Variants in RALYL observed in about 807,000 individuals in gnomAD.
RALYL encodes RNA-binding Raly-like protein.
A neutral mutation model predicts 35.1 loss-of-function variants in RALYL; 29 were observed. The ratio of observed to expected loss-of-function variants is 0.83; its 90% CI spans 0.61 to 1.13. RALYL has a LOEUF of 1.13. Among genes scored for constraint, RALYL ranks in the 50% most tolerant of loss-of-function variants. The probability of loss-of-function intolerance (pLI) is 0.00; values close to 1 mark genes in which losing one functional copy is unlikely to be tolerated. For synonymous variants in RALYL, 120 were observed against 127.6 expected, an observed-to-expected ratio of 0.94 and a Z score of 0.40; for missense variants, 359 against 360.4, an observed-to-expected ratio of 1.00 and a Z score of 0.03.
intron 2 of RALYL, among the ~76,000 whole-genome samples, chr8:84,688,834 G>A (rs1589021749): frequency 1.3e-5 from 2 of 151,940 alleles, no homozygotes; most frequent in Admixed American, 1.3e-4. Flanking sequence ...ATCTCAAAAT[G>A]GGTTAATATC....
At chr8:84,900,736 A>C (rs1209747747) in intron 8 of RALYL, among the ~76,000 whole-genome samples, 1 of 152,176 alleles carries the variant, frequency 6.6e-6, no homozygotes, top group Non-Finnish European at 1.5e-5. Context: ...TTTTAATTGC[A>C]TAAGCAGTAA....
At chr8:84,303,503 A>G (rs1841210493) in intron 1 of RALYL, among the ~76,000 whole-genome samples, 1 of 152,152 alleles carries the variant, frequency 6.6e-6, no homozygotes, top group South Asian at 2.1e-4. Context: ...GGTACTATTG[A>G]CTTATACTTG....
At chr8:84,724,491 C>A (rs948030870) in intron 2 of RALYL, among the ~76,000 whole-genome samples, 1 of 151,698 alleles carries the variant, frequency 6.6e-6, no homozygotes, top group African/African-American at 2.4e-5. Context: ...CCTAGTATTC[C>A]AATTTCTGGC....
intron 2 of RALYL, among the ~76,000 whole-genome samples, chr8:84,687,812 T>C (rs749447386): frequency 4.6e-5 from 7 of 152,088 alleles, no homozygotes; most frequent in Admixed American, 2.0e-4. Context: ...AGTTGTGTCA[T>C]TGAAATTGCT....
intron 2 of RALYL, among the ~76,000 whole-genome samples, chr8:84,570,451 A>G (rs528415434): frequency 2.4e-4 from 36 of 151,900 alleles, no homozygotes; most frequent in Middle Eastern, 3.4e-3. Context: ...AATTTTACTG[A>G]TATCATTTAT....
chr8:84,399,140 C>A (rs186753578), intron 1 of RALYL, among the ~76,000 whole-genome samples: 111 of 152,208 alleles, frequency 7.3e-4, no homozygotes, highest in African/African-American at 2.6e-3. Flanking sequence ...ATTTCATTCC[C>A]GTTTCCTGCT....
At chr8:84,398,688 A>G (rs2042583165) in intron 1 of RALYL, among the ~76,000 whole-genome samples, 1 of 152,144 alleles carries the variant, frequency 6.6e-6, no homozygotes, top group Non-Finnish European at 1.5e-5. Context: ...TTAAAAACCA[A>G]TCCAGGCCAG....
intron 2 of RALYL, among the ~76,000 whole-genome samples, chr8:84,639,233 A>G (rs1825811916): frequency 6.6e-6 from 1 of 151,806 alleles, no homozygotes; most frequent in Non-Finnish European, 1.5e-5. Flanking sequence ...ATTGACTGCT[A>G]GAGAAAAAGA....
chr8:84,201,435 A>G (rs895077056), intron 1 of RALYL, among the ~76,000 whole-genome samples: 1 of 152,178 alleles, frequency 6.6e-6, no homozygotes, highest in African/African-American at 2.4e-5. Context: ...TGTAAGGGTA[A>G]TATAACCTTG....
At chr8:84,581,422 G>A (rs556760361) in intron 2 of RALYL, among the ~76,000 whole-genome samples, 1 of 152,220 alleles carries the variant, frequency 6.6e-6, no homozygotes, top group South Asian at 2.1e-4. Flanking sequence ...ATTCATCAGA[G>A]ATTTCATGTC....
At chr8:84,481,203 C>A (rs1237675948) in intron 1 of RALYL, among the ~76,000 whole-genome samples, 2 of 152,126 alleles carry the variant, frequency 1.3e-5, no homozygotes, top group Non-Finnish European at 2.9e-5. Context: ...TTCTAAATTT[C>A]ATTGTTCCAT....
chr8:84,599,847 A>G (rs1815483668), intron 2 of RALYL, among the ~76,000 whole-genome samples: 1 of 151,722 alleles, frequency 6.6e-6, no homozygotes, highest in Admixed American at 6.6e-5. Context: ...AGTTGTTCCA[A>G]AAAGAATATT....
chr8:84,872,840 A>G (rs2135237005), intron 6 of RALYL: 1 of 152,838 alleles, frequency 6.5e-6, no homozygotes, highest in South Asian at 2.1e-4. Flanking sequence ...CCTGGTTTCC[A>G]TCAATCTTCA....
intron 1 of RALYL, among the ~76,000 whole-genome samples, chr8:84,458,068 G>T (rs1239266566): frequency 1.3e-5 from 2 of 151,752 alleles, no homozygotes; most frequent in Non-Finnish European, 2.9e-5. Context: ...ATTGGCATCT[G>T]ATCAAAATTA....
chr8:84,854,545 C>T (rs1270141961), intron 5 of RALYL, among the ~76,000 whole-genome samples: 3 of 152,110 alleles, frequency 2.0e-5, no homozygotes, highest in South Asian at 2.1e-4. Flanking sequence ...CAAAGCATTC[C>T]GGCTGCAGCT....
At chr8:84,230,119 A>C (rs1301104731) in intron 1 of RALYL, among the ~76,000 whole-genome samples, 1 of 152,172 alleles carries the variant, frequency 6.6e-6, no homozygotes, top group Non-Finnish European at 1.5e-5. Context: ...TATAGGGTTA[A>C]TTGTTGAAAA....
Position 84,468,964 on chromosome 8 carries a change from G to A in RALYL, c.-23-60335G>A, listed in dbSNP as rs910106094. Among the ~76,000 whole-genome samples the A allele has an allele frequency of 3.8e-4, 58 of 150,740 alleles. 1 individual carries two copies. The highest frequency in any genetic ancestry group is 1.2e-3 in the African/African-American group (51 of 41,010). On this transcript the variant is annotated intron_variant, in intron 1 of 8. Transcript: ENST00000521268. ...CTCCTGAGGCTTCTGCATTCTTCAC[G>A]TAGTTCTCGAGCCTTGGTTTTCAGC...
chr8:84,667,216 T>C (rs1832261054), intron 2 of RALYL, among the ~76,000 whole-genome samples: 1 of 152,006 alleles, frequency 6.6e-6, no homozygotes, highest in Admixed American at 6.6e-5. Context: ...TCCTGTAAAC[T>C]GTTAGCTAAA....
intron 1 of RALYL, among the ~76,000 whole-genome samples, chr8:84,188,859 ACTTAC>A (rs1034954776): frequency 4.4e-4 from 67 of 152,268 alleles, no homozygotes; most frequent in African/African-American, 1.6e-3. Flanking sequence ...TAAATATCAA[ACTTAC>A]CTTGTGGAAA....
Sources: gnomAD v4.1 joint callset for allele counts (sites outside exome capture counted in the v4.1 genomes callset) on GRCh38, gnomAD v4.1.1 for gene constraint, MANE v1.5 for transcripts, NCBI Gene and HGNC (gene_info 2026-07-23, HGNC 2026-07-21) for gene names.